WAC: variants seen among roughly 807,000 people sequenced by gnomAD.
WAC encodes the protein WW domain-containing adapter protein with coiled-coil.
Under a neutral mutation model 79.6 loss-of-function variants are expected in WAC, and 11 were observed. The ratio of observed to expected loss-of-function variants is 0.14; its 90% CI spans 0.09 to 0.23. The LOEUF (loss-of-function observed/expected upper bound fraction) is 0.23. Ranked by LOEUF, WAC falls within the 10% of genes least tolerant of loss-of-function variation. The pLI, the probability that WAC is intolerant of heterozygous loss-of-function variation, is 1.00. For missense variants in WAC, 728 were observed against 773.5 expected, an observed-to-expected ratio of 0.94 and a Z score of 0.70; for synonymous variants, 304 against 276.9, an observed-to-expected ratio of 1.10 and a Z score of -0.97.
chr10:28,613,493 TAA>T (rs1300320642), intron 10 of WAC, among the ~76,000 whole-genome samples: 4 of 152,160 alleles, frequency 2.6e-5, no homozygotes, highest in Non-Finnish European at 5.9e-5. Context: ...GCAACCAGAC[TAA>T]GACCCTGTCT....
chr10:28,594,354 C>T (rs936169732), intron 6 of WAC, among the ~76,000 whole-genome samples: 5 of 152,120 alleles, frequency 3.3e-5, no homozygotes, highest in African/African-American at 9.7e-5. Context: ...AGGTTTCTGT[C>T]TTAGTTGTAC....
chr10:28,541,415 GTTTTGTTTTTT>G lies in WAC; in HGVS notation c.274+5663_274+5673del, dbSNP rs1452863954. On this transcript the variant is annotated intron_variant, in intron 3 of 13. Transcript: ENST00000354911. ...TTTTTGTGGGGTTGTGTGTGTGTGT[GTTTTGTTTTTT>G]TTTTTTTTTTTTTTTTTTTTAAGAC... is the stretch of plus-strand genomic sequence containing the variant. Among the ~76,000 whole-genome samples, 12 of 37,888 alleles carry G rather than the reference GTTTTGTTTTTT, an allele frequency of 3.2e-4. 1 individual carries two copies. In the East Asian group the frequency reaches 6.0e-3, roughly 19 times the overall value. The allele number at this position is 37,888 out of a possible 152,430, so 24.9% of individuals were successfully genotyped here. A position where few individuals can be genotyped will look rare whatever the true frequency, so the allele number is the denominator to read the frequency against.
chr10:28,619,616 TA>T lies in WAC; in HGVS notation c.*12del. ...TTCCTTCATGGTGTGAAGATGTGAA[TA>T]ATTGCACATGGTTTTGAGAACAGGA... On this transcript the variant is annotated 3_prime_UTR_variant, in exon 14 of 14. Coordinates refer to ENST00000354911, the MANE Select transcript of WAC (RefSeq NM_016628.5). 5 of 1,568,436 alleles carry T rather than the reference TA, an allele frequency of 3.2e-6. No homozygotes were observed. The highest frequency in any genetic ancestry group is 1.4e-5 in the African/African-American group (1 of 71,720).
intron 4 of WAC, among the ~76,000 whole-genome samples, chr10:28,587,248 TAAAA>T (rs921536268): frequency 8.5e-5 from 13 of 152,206 alleles, no homozygotes; most frequent in African/African-American, 1.2e-4. Flanking sequence ...AAGTAATTTT[TAAAA>T]AAATAGACAT....
At chr10:28,535,513 T>G (rs1836596744) in intron 2 of WAC, 49 bp from the exon 3 acceptor site, 1 of 1,513,166 alleles carries the variant, frequency 6.6e-7, no homozygotes, top group African/African-American at 1.4e-5. Context: ...TTAGGGAGTT[T>G]AAGGTTTCAA....
chr10:28,536,404 T>C (rs1836678591), intron 3 of WAC, among the ~76,000 whole-genome samples: 1 of 152,210 alleles, frequency 6.6e-6, no homozygotes, highest in Non-Finnish European at 1.5e-5. Context: ...ATCCTTATTG[T>C]TGCTTCAGTT....
chr10:28,592,762 T>G (rs185581933), intron 6 of WAC, among the ~76,000 whole-genome samples: 42 of 152,356 alleles, frequency 2.8e-4, no homozygotes, highest in Admixed American at 2.5e-3. Flanking sequence ...CCTGGAACAT[T>G]TTGGAATATA....
At chr10:28,542,290 C>T (rs571388731) in intron 3 of WAC, among the ~76,000 whole-genome samples, 2 of 152,266 alleles carry the variant, frequency 1.3e-5, no homozygotes, top group African/African-American at 4.8e-5. Flanking sequence ...CGTGTTCCTT[C>T]CTTGTATGAA....
intron 6 of WAC, among the ~76,000 whole-genome samples, chr10:28,594,445 A>G (rs1260524746): frequency 6.6e-6 from 1 of 152,250 alleles, no homozygotes; most frequent in East Asian, 1.9e-4. Context: ...ATATATTACT[A>G]TCATACAACA....
intron 7 of WAC, among the ~76,000 whole-genome samples, chr10:28,600,881 CA>C: frequency 6.6e-6 from 1 of 151,604 alleles, no homozygotes; most frequent in Non-Finnish European, 1.5e-5. Flanking sequence ...TCCAATAGAA[CA>C]GTGGACAATC....
chr10:28,614,134 C>A (rs907726104), intron 10 of WAC, among the ~76,000 whole-genome samples: 20 of 151,512 alleles, frequency 1.3e-4, no homozygotes, highest in Non-Finnish European at 2.1e-4. Flanking sequence ...GAGACGGAGT[C>A]TCGTTCTGTC....
intron 7 of WAC, among the ~76,000 whole-genome samples, chr10:28,603,164 C>T (rs954923774): frequency 8.5e-5 from 13 of 152,156 alleles, no homozygotes; most frequent in African/African-American, 1.7e-4. Flanking sequence ...CTTTTGGCTT[C>T]CCTGGGCCAC....
rs1364929220 is a variant in WAC at position 28,621,432 on chromosome 10, C to T, written c.*1826C>T. The T allele has an allele frequency of 4.0e-5, 6 of 151,726 alleles. No individual in the cohort carries two copies. Among genetic ancestry groups the T allele is most frequent in the East Asian group, 3.9e-4 (2 of 5,178 alleles). 9.4% of individuals were successfully genotyped at this position (151,726 alleles called of 1,614,324 possible). A position where few individuals can be genotyped will look rare whatever the true frequency, so the allele number is the denominator to read the frequency against. On this transcript the variant is annotated 3_prime_UTR_variant, in exon 14 of 14. Transcript: ENST00000354911. The stretch of plus-strand genomic sequence containing the variant: ...GTAAGCTCAAAAAGTTAACTGTAAG[C>T]GATAGTGTTGGTGTTTTCTAAAATA...
intron 3 of WAC, among the ~76,000 whole-genome samples, chr10:28,547,577 A>G (rs1837424325): frequency 6.6e-6 from 1 of 151,960 alleles, no homozygotes; most frequent in South Asian, 2.1e-4. Context: ...GTGAATCGTA[A>G]TCTAAGACTT....
In WAC at chr10:28,610,855, G is replaced by T. The variant is rs201563144; in HGVS notation, c.1288+34G>T. 7.3e-5 allele frequency: 111 copies of T among 1,527,728 alleles called. 2 individuals carry two copies. In the East Asian group the frequency reaches 2.5e-3, roughly 34 times the overall value. 94.6% of individuals were successfully genotyped at this position (1,527,728 alleles called of 1,614,324 possible). ...ACTCATCTTAGATATCTCTAGAATG[G>T]CATCTTGATTTTGTTTTGGAATTAA... On this transcript the variant is annotated intron_variant, in intron 9 of 13. Coordinates refer to ENST00000354911, the MANE Select transcript of WAC (RefSeq NM_016628.5).
chr10:28,533,747 A>G (rs1241437791), intron 1 of WAC, 127 bp downstream of exon 1: 8 of 756,062 alleles, frequency 1.1e-5, no homozygotes, highest in African/African-American at 2.0e-5. Context: ...CGGGTTGGGG[A>G]GGAGGAGCGG....
chr10:28,599,610 G>C (rs1187381147), intron 7 of WAC, among the ~76,000 whole-genome samples: 1 of 152,204 alleles, frequency 6.6e-6, no homozygotes, highest in East Asian at 1.9e-4. Context: ...AAAGAAGTTT[G>C]TGTATGTGTT....
intron 3 of WAC, among the ~76,000 whole-genome samples, chr10:28,559,168 GTC>G (rs942484204): frequency 2.0e-5 from 3 of 151,452 alleles, no homozygotes; most frequent in African/African-American, 7.3e-5. Flanking sequence ...GTGTGTGTAA[GTC>G]TGATGTTCTC....
In WAC at chr10:28,535,627, C is replaced by A. The variant is rs1191133532; in HGVS notation, c.144C>A (p.Asp48Glu). 2.5e-6 allele frequency: 4 copies of A among 1,613,998 alleles called. No individual in the cohort carries two copies. Among genetic ancestry groups the A allele is most frequent in the Non-Finnish European group, 3.4e-6 (4 of 1,180,000 alleles). The change falls in exon 3 of 14, where the codon GAC (aspartate) becomes GAA (glutamate). Residue 48 changes from aspartate (D) to glutamate (E), a missense_variant. Physicochemically the swap from Asp to Glu is conservative, Grantham distance 45. Transcript: ENST00000354911. ...ATCACAGACATGAAAAGATGCGAGA[C>A]GCCGGAGATCCTTCACCACCAAATA... ...SGDHRHEKMR[D>E]AGDPSPPNKM...
Sources: gnomAD v4.1 joint callset for allele counts (sites outside exome capture counted in the v4.1 genomes callset) on GRCh38, gnomAD v4.1.1 for gene constraint, MANE v1.5 for transcripts, NCBI Gene and HGNC (gene_info 2026-07-23, HGNC 2026-07-21) for gene names.